Variants in CTNNA3 observed in about 807,000 individuals in gnomAD.
CTNNA3 encodes the protein catenin alpha-3.
CTNNA3 carries 76 observed loss-of-function variants against 95.7 expected under a neutral mutation model. The observed-to-expected ratio is 0.79, with a 90% CI of 0.66 to 0.96. The LOEUF is 0.96. CTNNA3 is among the 40% of genes least tolerant of loss of function. The pLI, the probability that CTNNA3 is intolerant of heterozygous loss-of-function variation, is 0.00. For missense variants in CTNNA3, 1,191 were observed against 1,089.8 expected, an observed-to-expected ratio of 1.09 and a Z score of -1.31; for synonymous variants, 431 against 374.4, an observed-to-expected ratio of 1.15 and a Z score of -1.74.
intron 5 of CTNNA3, among the ~76,000 whole-genome samples, chr10:67,378,227 C>A (rs1455628538): frequency 3.9e-5 from 6 of 152,020 alleles, no homozygotes; most frequent in Non-Finnish European, 8.8e-5. Flanking sequence ...AGATTTTAAA[C>A]ATTTTGAGAA....
At chr10:67,566,043 G>GCATATATATATATATATATATATA (rs1841767360) in intron 3 of CTNNA3, among the ~76,000 whole-genome samples, 1 of 26,964 alleles carries the variant, frequency 3.7e-5, no homozygotes, top group African/African-American at 1.7e-4. Flanking sequence ...ATGTGTGTGT[G>GCATATATATATATATATATATATA]TATATATATA....
intron 7 of CTNNA3, among the ~76,000 whole-genome samples, chr10:67,050,930 A>G (rs542566261): frequency 2.0e-5 from 3 of 152,210 alleles, no homozygotes; most frequent in Non-Finnish European, 2.9e-5. Flanking sequence ...CACAAATCAC[A>G]TTATTTGCAG....
At chr10:66,519,079 T>G (rs1432741490) in intron 11 of CTNNA3, among the ~76,000 whole-genome samples, 1 of 152,056 alleles carries the variant, frequency 6.6e-6, no homozygotes, top group Non-Finnish European at 1.5e-5. Context: ...GAAAGAATAT[T>G]ATCACATTCC....
intron 3 of CTNNA3, among the ~76,000 whole-genome samples, chr10:67,583,124 C>T (rs191920188): frequency 2.6e-5 from 4 of 152,160 alleles, no homozygotes; most frequent in Admixed American, 2.6e-4. Flanking sequence ...AGTTATTTTG[C>T]TCATTAGTTG....
chr10:66,589,796 A>C (rs1843484109), intron 10 of CTNNA3, among the ~76,000 whole-genome samples: 1 of 152,150 alleles, frequency 6.6e-6, no homozygotes, highest in Admixed American at 6.5e-5. Context: ...AGATCACTTA[A>C]AAACAGTGTT....
chr10:67,416,371 G>A (rs1204436281), intron 5 of CTNNA3, among the ~76,000 whole-genome samples: 3 of 151,896 alleles, frequency 2.0e-5, no homozygotes, highest in African/African-American at 7.3e-5. Flanking sequence ...ACCTTTGGGA[G>A]GCCGAGGAGG....
At chr10:66,767,059 T>G (rs753080531) in intron 8 of CTNNA3, among the ~76,000 whole-genome samples, 6 of 152,188 alleles carry the variant, frequency 3.9e-5, no homozygotes, top group Non-Finnish European at 8.8e-5. Flanking sequence ...TTAATGACAA[T>G]TAGGCAATTA....
intron 7 of CTNNA3, among the ~76,000 whole-genome samples, chr10:67,160,481 G>T (rs1396069667): frequency 7.2e-6 from 1 of 139,346 alleles, no homozygotes; most frequent in African/African-American, 2.7e-5. Flanking sequence ...TCTGTCCCCC[G>T]GGCTGGAGTG....
chr10:66,336,089 A>G (rs1589107736), intron 12 of CTNNA3, among the ~76,000 whole-genome samples: 1 of 152,098 alleles, frequency 6.6e-6, no homozygotes, highest in East Asian at 1.9e-4. Flanking sequence ...AAAGCGCAGT[A>G]TTAGGGTGGG....
intron 10 of CTNNA3, among the ~76,000 whole-genome samples, chr10:66,562,240 T>A (rs1842576214): frequency 6.6e-6 from 1 of 152,138 alleles, no homozygotes; most frequent in African/African-American, 2.4e-5. Flanking sequence ...TTTGTTTTCA[T>A]ATATAAGGTA....
At chr10:67,079,239 T>G (rs1272022452) in intron 7 of CTNNA3, among the ~76,000 whole-genome samples, 1 of 152,196 alleles carries the variant, frequency 6.6e-6, no homozygotes, top group African/African-American at 2.4e-5. Flanking sequence ...AGAAACTCTG[T>G]GTTATAGAAC....
At chr10:67,699,124 C>T (rs1356439357), upstream of CTNNA3, among the ~76,000 whole-genome samples, 1 of 152,148 alleles carries the variant, frequency 6.6e-6, no homozygotes, top group East Asian at 1.9e-4. Context: ...TGCTCCTTCA[C>T]GATCACCTCA....
chr10:67,732,459 G>A (rs1841281116), intron 1 of CTNNA3, among the ~76,000 whole-genome samples: 1 of 152,136 alleles, frequency 6.6e-6, no homozygotes, highest in Non-Finnish European at 1.5e-5. Context: ...GTAAAAACCT[G>A]TTACTAATTT....
intron 7 of CTNNA3, among the ~76,000 whole-genome samples, chr10:67,114,956 A>T (rs927911743): frequency 2.6e-5 from 4 of 152,096 alleles, no homozygotes; most frequent in Admixed American, 6.6e-5. Context: ...GGAAAATTTA[A>T]ATTTGGATAC....
At chr10:66,374,053 AC>A (rs1193571672) in intron 12 of CTNNA3, among the ~76,000 whole-genome samples, 3 of 152,270 alleles carry the variant, frequency 2.0e-5, no homozygotes, top group Non-Finnish European at 4.4e-5. Context: ...AGACTGTATC[AC>A]AGTGTAATCT....
intron 1 of CTNNA3, among the ~76,000 whole-genome samples, chr10:67,658,857 A>T (rs1264523034): frequency 1.3e-5 from 2 of 152,208 alleles, no homozygotes; most frequent in East Asian, 3.9e-4. Context: ...TATCATTAGC[A>T]TGTTGTAATT....
chr10:66,244,370 G>T (rs879529747), intron 13 of CTNNA3, among the ~76,000 whole-genome samples: 2 of 152,204 alleles, frequency 1.3e-5, no homozygotes, highest in African/African-American at 2.4e-5. Flanking sequence ...GCCACTGGCT[G>T]ACTGTAGAGC....
chr10:66,423,767 T>C (rs1277684569), intron 11 of CTNNA3, among the ~76,000 whole-genome samples: 1 of 152,222 alleles, frequency 6.6e-6, no homozygotes, highest in Non-Finnish European at 1.5e-5. Flanking sequence ...TAAGAGAGAA[T>C]GCTCCTCACT....
rs371146065 is a variant in CTNNA3, at chr10:67,430,820, TAC to T, written c.579+91020_579+91021del. 5.2e-3 allele frequency among the ~76,000 whole-genome samples: 721 copies of T among 138,812 alleles called. 6 individuals carry two copies. Among genetic ancestry groups the T allele is most frequent in the African/African-American group, 0.017 (625 of 37,776 alleles). The allele number at this position is 138,812 out of a possible 152,430, so 91.1% of individuals were successfully genotyped here. Reference sequence around the variant, plus strand: ...TGAATGAGCATGACTCAAACATAACTACACACACACACACACACACACACACA... The same window carrying T: ...TGAATGAGCATGACTCAAACATAACTACACACACACACACACACACACACA... On this transcript the variant is annotated intron_variant, in intron 5 of 17. Transcript: ENST00000433211.
Sources: gnomAD v4.1 joint callset for allele counts (sites outside exome capture counted in the v4.1 genomes callset) on GRCh38, gnomAD v4.1.1 for gene constraint, MANE v1.5 for transcripts, NCBI Gene and HGNC (gene_info 2026-07-23, HGNC 2026-07-21) for gene names.